Variants in PRKG1 observed in about 807,000 individuals in gnomAD.
PRKG1 encodes the protein protein kinase cGMP-dependent 1, also known as cGMP-dependent protein kinase 1.
A neutral mutation model predicts 88.1 loss-of-function variants in PRKG1; 35 were observed. The ratio of observed to expected loss-of-function variants is 0.40; its 90% confidence interval spans 0.30 to 0.53. The LOEUF (loss-of-function observed/expected upper bound fraction) is 0.53, where lower values mean the gene tolerates loss of function less well. Ranked by LOEUF, PRKG1 falls within the 20% of genes least tolerant of loss-of-function variation. The probability of loss-of-function intolerance (pLI) is 0.59; values close to 1 mark genes in which losing one functional copy is unlikely to be tolerated. For synonymous variants in PRKG1, 303 were observed against 292.5 expected (o/e 1.04, Z -0.37); for missense variants, 540 against 839.8 (o/e 0.64, Z 4.41).
chr10:51,353,956 T>G (rs1477213881), intron 2 of PRKG1, among the ~76,000 whole-genome samples: 1 of 152,022 alleles, frequency 6.6e-6, no homozygotes, highest in African/African-American at 2.4e-5. Flanking sequence ...TATCCAACTA[T>G]TCCACCATAA....
At chr10:51,281,570 T>C (rs1262709829) in intron 2 of PRKG1, among the ~76,000 whole-genome samples, 1 of 152,048 alleles carries the variant, frequency 6.6e-6, no homozygotes, top group African/African-American at 2.4e-5. Flanking sequence ...TCGAACTGGG[T>C]GGAGCCCACT....
At chr10:51,172,644 GTATGTATCTATCTATCTATCTATCTATC>G (rs71029352) in intron 2 of PRKG1, among the ~76,000 whole-genome samples, 43,514 of 117,338 alleles carry the variant, frequency 0.37, 6,934 homozygotes, top group Non-Finnish European at 0.4. Flanking sequence ...ATGTATGTAT[GTATGTATCTATCTATCTATCTATCTATC>G]TATCTATCTA....
intron 4 of PRKG1, among the ~76,000 whole-genome samples, chr10:51,817,745 G>C (rs1258739702): frequency 6.6e-6 from 1 of 152,148 alleles, no homozygotes; most frequent in African/African-American, 2.4e-5. Flanking sequence ...CAATAAATGA[G>C]TATGAAAAGT....
At chr10:51,392,101 C>A (rs539882141) in intron 2 of PRKG1, among the ~76,000 whole-genome samples, 21 of 151,738 alleles carry the variant, frequency 1.4e-4, no homozygotes, top group African/African-American at 4.6e-4. Flanking sequence ...TAAATAAATT[C>A]TTGGGTTCTA....
chr10:52,088,705 G>C (rs1280580763), intron 7 of PRKG1, among the ~76,000 whole-genome samples: 1 of 152,168 alleles, frequency 6.6e-6, no homozygotes, highest in Non-Finnish European at 1.5e-5. Context: ...CCAACCTCTA[G>C]AACTGTAAGA....
chr10:51,241,614 C>G (rs1000009267), intron 2 of PRKG1, among the ~76,000 whole-genome samples: 3 of 152,156 alleles, frequency 2.0e-5, no homozygotes, highest in Admixed American at 6.6e-5. Context: ...CCTGCAAACC[C>G]AAACCTATAA....
chr10:51,401,547 G>T (rs1195473599), intron 2 of PRKG1, among the ~76,000 whole-genome samples: 1 of 152,120 alleles, frequency 6.6e-6, no homozygotes, highest in Admixed American at 6.6e-5. Context: ...TCCCTGAAAA[G>T]TTCTCTAAGC....
At chr10:51,427,832 G>A (rs923588150) in intron 2 of PRKG1, among the ~76,000 whole-genome samples, 4 of 152,144 alleles carry the variant, frequency 2.6e-5, no homozygotes, top group African/African-American at 9.7e-5. Flanking sequence ...AACTCAATTG[G>A]ATCCTCTTTT....
At chr10:51,652,799 T>C (rs1310359854) in intron 3 of PRKG1, among the ~76,000 whole-genome samples, 1 of 152,244 alleles carries the variant, frequency 6.6e-6, no homozygotes, top group African/African-American at 2.4e-5. Flanking sequence ...ACAGTCACCA[T>C]GCCGTGCAAC....
intron 1 of PRKG1, among the ~76,000 whole-genome samples, chr10:51,060,768 T>C (rs889812712): frequency 6.6e-6 from 1 of 152,230 alleles, no homozygotes; most frequent in African/African-American, 2.4e-5. Flanking sequence ...ATACATTTTA[T>C]TATCTCCTTT....
chr10:52,048,401 A>T (rs1845911471), intron 5 of PRKG1, among the ~76,000 whole-genome samples: 1 of 152,158 alleles, frequency 6.6e-6, no homozygotes, highest in Non-Finnish European at 1.5e-5. Context: ...ATGAGAGATT[A>T]CATTAGTCAG....
chr10:51,865,094 A>G (rs766290345), intron 4 of PRKG1, among the ~76,000 whole-genome samples: 3 of 152,278 alleles, frequency 2.0e-5, no homozygotes, highest in Admixed American at 6.5e-5. Context: ...AGAGAAATTT[A>G]TAAATAACTC....
chr10:51,381,038 ATG>A (rs1837077738), intron 2 of PRKG1, among the ~76,000 whole-genome samples: 1 of 151,670 alleles, frequency 6.6e-6, no homozygotes, highest in African/African-American at 2.4e-5. Context: ...GGACGGGTAA[ATG>A]TGTGTTTTTT....
chr10:51,083,864 G>T (rs567939685), intron 1 of PRKG1, among the ~76,000 whole-genome samples: 15 of 152,264 alleles, frequency 9.9e-5, no homozygotes, highest in Admixed American at 6.5e-4. Flanking sequence ...AAGTCCTCAA[G>T]GTGTTGCTAA....
chr10:51,726,572 A>G (rs1355370918), intron 3 of PRKG1, among the ~76,000 whole-genome samples: 1 of 152,234 alleles, frequency 6.6e-6, no homozygotes, highest in Non-Finnish European at 1.5e-5. Context: ...TCAGATGATC[A>G]CAGTTATAAA....
intron 3 of PRKG1, among the ~76,000 whole-genome samples, chr10:51,760,955 A>G (rs901312332): frequency 2.0e-5 from 3 of 152,080 alleles, no homozygotes; most frequent in African/African-American, 7.2e-5. Flanking sequence ...TCTCTACTAA[A>G]AATACAAAAA....
At chr10:51,886,487 G>C (rs1178522049) in intron 4 of PRKG1, among the ~76,000 whole-genome samples, 7 of 152,112 alleles carry the variant, frequency 4.6e-5, no homozygotes, top group South Asian at 2.1e-4. Context: ...ATGTAATATA[G>C]CTTGGAGTTT....
At chr10:51,045,068 A>G (rs1179884017) in intron 1 of PRKG1, among the ~76,000 whole-genome samples, 1 of 152,156 alleles carries the variant, frequency 6.6e-6, no homozygotes, top group East Asian at 1.9e-4. Context: ...TTATTCTTGG[A>G]AGAAAATTGT....
intron 3 of PRKG1, among the ~76,000 whole-genome samples, chr10:51,744,975 T>A (rs1397879132): frequency 6.6e-6 from 1 of 152,214 alleles, no homozygotes; most frequent in African/African-American, 2.4e-5. Flanking sequence ...GGGAACAGTA[T>A]GTTTATAGTA....
Sources: allele counts gnomAD v4.1 joint callset (sites outside exome capture counted in the v4.1 genomes callset), GRCh38; gene constraint gnomAD v4.1.1; transcripts MANE v1.5; gene names NCBI Gene and HGNC (gene_info 2026-07-23, HGNC 2026-07-21).